The following STAG1 variants were observed in gnomAD, a reference collection of about 807,000 sequenced individuals.
STAG1 encodes cohesin subunit SA-1.
A neutral mutation model predicts 170.9 loss-of-function variants in STAG1; 26 were observed. The observed-to-expected ratio is 0.15, with a 90% CI of 0.11 to 0.21. STAG1 has a LOEUF of 0.21. Ranked by LOEUF, STAG1 falls within the 10% of genes least tolerant of loss-of-function variation. STAG1 has a pLI of 1.00. For missense variants in STAG1, 964 were observed against 1,509.5 expected (o/e 0.64, Z 5.99); for synonymous variants, 514 against 497.7 (o/e 1.03, Z -0.44).
intron 1 of STAG1, among the ~76,000 whole-genome samples, chr3:136,652,977 C>G (rs980581883): frequency 2.6e-5 from 4 of 152,098 alleles, no homozygotes; most frequent in Non-Finnish European, 5.9e-5. Context: ...GACACTGCCC[C>G]TAGTTAAGAA....
At chr3:136,548,504 G>A (rs567503844) in intron 5 of STAG1, among the ~76,000 whole-genome samples, 1 of 151,938 alleles carries the variant, frequency 6.6e-6, no homozygotes, top group South Asian at 2.1e-4. Context: ...GACTGTTTTG[G>A]GTATTAAGGG....
intron 9 of STAG1, among the ~76,000 whole-genome samples, chr3:136,478,436 AG>A (rs2107824001): frequency 6.6e-6 from 1 of 152,340 alleles, no homozygotes; most frequent in Non-Finnish European, 1.5e-5. Flanking sequence ...CAAGGTTATT[AG>A]CCTTAGCTTT....
intron 9 of STAG1, among the ~76,000 whole-genome samples, chr3:136,478,710 A>C (rs2089829314): frequency 6.6e-6 from 1 of 152,192 alleles, no homozygotes; most frequent in Non-Finnish European, 1.5e-5. Flanking sequence ...TAAGGATAAA[A>C]ACAGGGAAAA....
chr3:136,637,750 G>A (rs1276178365), intron 1 of STAG1, among the ~76,000 whole-genome samples: 1 of 152,132 alleles, frequency 6.6e-6, no homozygotes, highest in Admixed American at 6.6e-5. Context: ...AGAGTACCTG[G>A]AACTCCAGAA....
chr3:136,418,437 CATAAAGGAA>C (rs2087844675), intron 20 of STAG1, among the ~76,000 whole-genome samples: 1 of 123,808 alleles, frequency 8.1e-6, no homozygotes, highest in South Asian at 2.6e-4. Context: ...GAAAAAGATC[CATAAAGGAA>C]ATACTCATTA....
At chr3:136,434,276 TAA>T (rs1296091112) in intron 15 of STAG1, among the ~76,000 whole-genome samples, 2 of 152,162 alleles carry the variant, frequency 1.3e-5, no homozygotes, top group African/African-American at 2.4e-5. Flanking sequence ...TGAGAAATCA[TAA>T]GATTATTTAT....
chr3:136,369,716 T>G (rs1937220831), intron 23 of STAG1, among the ~76,000 whole-genome samples: 3 of 152,324 alleles, frequency 2.0e-5, no homozygotes, highest in Admixed American at 2.0e-4. Context: ...TTTGAAACTC[T>G]AATTCAACAT....
intron 23 of STAG1, among the ~76,000 whole-genome samples, chr3:136,371,427 G>C (rs1937333201): frequency 6.6e-6 from 1 of 152,180 alleles, no homozygotes; most frequent in Non-Finnish European, 1.5e-5. Context: ...TGAAGTCCTT[G>C]CCTGTGCCTA....
At chr3:136,660,202 T>C (rs1159296525) in intron 1 of STAG1, among the ~76,000 whole-genome samples, 1 of 152,178 alleles carries the variant, frequency 6.6e-6, no homozygotes. Context: ...TGTCTCTTCC[T>C]ATAAAACTCT....
At chr3:136,519,955 A>T (rs1553738440) in intron 7 of STAG1, among the ~76,000 whole-genome samples, 1 of 152,098 alleles carries the variant, frequency 6.6e-6, no homozygotes, top group Non-Finnish European at 1.5e-5. Context: ...AGAAAAGAAC[A>T]CTCTCAGAAA....
At chr3:136,744,165 T>C (rs1934817059) in intron 1 of STAG1, among the ~76,000 whole-genome samples, 1 of 152,158 alleles carries the variant, frequency 6.6e-6, no homozygotes, top group African/African-American at 2.4e-5. Context: ...CCGTCTCTAC[T>C]AAAAATACAA....
chr3:136,398,717 T>C, intron 22 of STAG1, 32 bp downstream of exon 22: 1 of 1,393,074 alleles, frequency 7.2e-7, no homozygotes, highest in African/African-American at 1.4e-5. Context: ...ATTTCAGTAA[T>C]AACCCTTCTG....
chr3:136,682,065 T>A (rs577502457), intron 1 of STAG1, among the ~76,000 whole-genome samples: 45 of 151,824 alleles, frequency 3.0e-4, no homozygotes, highest in Non-Finnish European at 5.2e-4. Flanking sequence ...ATCCAAATTT[T>A]AAAAAAAAGA....
At chr3:136,475,441 C>T (rs534044054) in intron 10 of STAG1, among the ~76,000 whole-genome samples, 75 of 152,178 alleles carry the variant, frequency 4.9e-4, no homozygotes, top group Non-Finnish European at 3.2e-4. Context: ...GTCATCATGC[C>T]CAGCCAACAG....
intron 9 of STAG1, among the ~76,000 whole-genome samples, chr3:136,492,147 G>C (rs1374788361): frequency 6.6e-6 from 1 of 152,148 alleles, no homozygotes; most frequent in African/African-American, 2.4e-5. Context: ...CAATAATGTA[G>C]ACTGAGTGAT....
intron 19 of STAG1, among the ~76,000 whole-genome samples, chr3:136,421,750 A>T (rs1316072981): frequency 1.3e-5 from 2 of 152,202 alleles, no homozygotes; most frequent in Non-Finnish European, 1.5e-5. Context: ...TTAAAAGTAG[A>T]CTTAATTTGT....
chr3:136,554,722 G>A (rs538134200), intron 5 of STAG1, among the ~76,000 whole-genome samples: 12 of 151,942 alleles, frequency 7.9e-5, no homozygotes, highest in East Asian at 1.9e-4. Flanking sequence ...TAGCAACCTT[G>A]TCTCTAAAAA....
At chr3:136,659,732 C>T (rs543490601) in intron 1 of STAG1, among the ~76,000 whole-genome samples, 3 of 152,174 alleles carry the variant, frequency 2.0e-5, no homozygotes, top group African/African-American at 7.2e-5. Context: ...TGTTTAGTAA[C>T]GTGCAAAACT....
chr3:136,611,855 T>C (rs979000882), intron 3 of STAG1, among the ~76,000 whole-genome samples: 8 of 151,610 alleles, frequency 5.3e-5, no homozygotes. Flanking sequence ...GTGGAATTTT[T>C]TTTTTTTTAT....
Sources: allele counts gnomAD v4.1 joint callset (sites outside exome capture counted in the v4.1 genomes callset), GRCh38; gene constraint gnomAD v4.1.1; transcripts MANE v1.5; gene names NCBI Gene and HGNC (gene_info 2026-07-23, HGNC 2026-07-21).